The following ARAP2 variants were observed in gnomAD, a reference collection of about 807,000 sequenced individuals.
ARAP2 encodes the protein arf-GAP with Rho-GAP domain, ANK repeat and PH domain-containing protein 2.
ARAP2 carries 148 observed loss-of-function variants against 194.5 expected under a neutral mutation model. The observed-to-expected ratio is 0.76, with a 90% CI of 0.67 to 0.87. The LOEUF is 0.87. Ranked by LOEUF, ARAP2 falls within the 40% of genes least tolerant of loss-of-function variation. ARAP2 has a pLI of 0.00. For synonymous variants in ARAP2, 695 were observed against 683.5 expected (o/e 1.02, Z -0.26); for missense variants, 2,128 against 1,989.7 (o/e 1.07, Z -1.32).
chr4:36,243,361 G>A (rs1753925575), intron 1 of ARAP2, among the ~76,000 whole-genome samples: 1 of 116,910 alleles, frequency 8.6e-6, no homozygotes, highest in Admixed American at 1.1e-4. Flanking sequence ...CTACTGAACA[G>A]CCTACTTCAA....
intron 8 of ARAP2, among the ~76,000 whole-genome samples, chr4:36,014,303 AAGG>A: frequency 1.6e-5 from 2 of 122,600 alleles, no homozygotes; most frequent in African/African-American, 6.3e-5. Flanking sequence ...GAAAGAAGAG[AAGG>A]AAGGAAAGAA....
intron 20 of ARAP2, among the ~76,000 whole-genome samples, chr4:36,131,461 TGTAA>T (rs1273460001): frequency 5.9e-5 from 9 of 151,434 alleles, no homozygotes; most frequent in East Asian, 2.0e-4. Flanking sequence ...TGTGTACATA[TGTAA>T]GTGTGTGTGT....
At chr4:36,221,444 A>G (rs1348424070) in intron 2 of ARAP2, among the ~76,000 whole-genome samples, 1 of 152,176 alleles carries the variant, frequency 6.6e-6, no homozygotes, top group Non-Finnish European at 1.5e-5. Flanking sequence ...CACACAACTC[A>G]TAAGTAACTG....
chr4:36,175,557 T>G (rs2109842231), intron 9 of ARAP2, among the ~76,000 whole-genome samples: 1 of 152,028 alleles, frequency 6.6e-6, no homozygotes, highest in East Asian at 1.9e-4. Flanking sequence ...AAAGACCAAG[T>G]CCCTTAAGAC....
At chr4:36,145,851 C>A (rs1306201365) in intron 19 of ARAP2, among the ~76,000 whole-genome samples, 1 of 151,844 alleles carries the variant, frequency 6.6e-6, no homozygotes, top group Non-Finnish European at 1.5e-5. Flanking sequence ...ATGAGGTGAA[C>A]CCGTCCAGTT....
chr4:36,073,935 C>T (rs1727643454), intron 31 of ARAP2, 112 bp from the exon 32 acceptor site: 3 of 1,308,288 alleles, frequency 2.3e-6, no homozygotes, highest in Non-Finnish European at 3.2e-6. Flanking sequence ...ATCTGATTTC[C>T]ATGAGAATTC....
At chr4:36,014,792 T>C (rs1253832142) in intron 8 of ARAP2, among the ~76,000 whole-genome samples, 3 of 152,160 alleles carry the variant, frequency 2.0e-5, no homozygotes, top group South Asian at 4.1e-4. Flanking sequence ...TAAGTTTACA[T>C]CAGGTCATGT....
Position 36,105,276 on chromosome 4 carries a change from C to A in ARAP2, c.4285+2289G>T, listed in dbSNP as rs189047540. On this transcript the variant is annotated intron_variant, in intron 27 of 32. Transcript: ENST00000303965. Reference sequence around the variant, plus strand: ...CAGAGGTTGCAGTAAGCTGAGATCACGCCACCGGTGGCACTCTAGCCTAGG... The same window carrying A: ...CAGAGGTTGCAGTAAGCTGAGATCAAGCCACCGGTGGCACTCTAGCCTAGG... Among the ~76,000 whole-genome samples the A allele has an allele frequency of 4.0e-3, 613 of 152,084 alleles. 1 individual carries two copies. Among genetic ancestry groups the A allele is most frequent in the Middle Eastern group, 6.8e-3 (2 of 294 alleles).
intron 6 of ARAP2, among the ~76,000 whole-genome samples, chr4:36,205,123 G>C (rs2109246043): frequency 6.7e-6 from 1 of 150,030 alleles, no homozygotes; most frequent in East Asian, 2.0e-4. Flanking sequence ...TCAAAAATGA[G>C]TAGCCTTTAT....
chr4:36,027,706 AC>A (rs1439711193), intron 5 of ARAP2, among the ~76,000 whole-genome samples: 1 of 152,142 alleles, frequency 6.6e-6, no homozygotes, highest in African/African-American at 2.4e-5. Context: ...ATAGTGTGGC[AC>A]AACATCATGA....
intron 27 of ARAP2, among the ~76,000 whole-genome samples, chr4:36,096,374 A>AAAAGAAAAAAG (rs1553899086): frequency 1.4e-5 from 2 of 142,084 alleles, no homozygotes; most frequent in African/African-American, 5.9e-5. Context: ...AAAAAAAAAA[A>AAAAGAAAAAAG]AAAAAAGAAA....
chr4:36,010,065 G>A (rs1412874984), intron 9 of ARAP2, among the ~76,000 whole-genome samples: 1 of 151,696 alleles, frequency 6.6e-6, no homozygotes, highest in Non-Finnish European at 1.5e-5. Context: ...TTGATTCAAA[G>A]GCAAACAGTA....
chr4:36,197,673 G>A (rs1743418515), intron 6 of ARAP2, among the ~76,000 whole-genome samples: 1 of 152,188 alleles, frequency 6.6e-6, no homozygotes, highest in Non-Finnish European at 1.5e-5. Context: ...AGCAGTGAGG[G>A]GTGTGTGAGC....
chr4:36,122,285 A>G (rs1001289680), intron 22 of ARAP2, among the ~76,000 whole-genome samples: 10 of 151,916 alleles, frequency 6.6e-5, no homozygotes, highest in Admixed American at 5.9e-4. Context: ...CCAAAGGAAT[A>G]TAAATCATTA....
intron 5 of ARAP2, among the ~76,000 whole-genome samples, chr4:36,211,486 C>A (rs1227161398): frequency 6.6e-6 from 1 of 152,126 alleles, no homozygotes; most frequent in Non-Finnish European, 1.5e-5. Flanking sequence ...TATGCCTGGG[C>A]TCAAATTACA....
intron 19 of ARAP2, among the ~76,000 whole-genome samples, chr4:36,139,120 T>C (rs1042043666): frequency 2.0e-5 from 3 of 151,830 alleles, no homozygotes; most frequent in Admixed American, 6.6e-5. Context: ...ATTAACCATG[T>C]TGCTTAAAGA....
chr4:36,045,888 T>G (rs767988493), intron 5 of ARAP2: 25 of 151,906 alleles, frequency 1.6e-4, no homozygotes, highest in Non-Finnish European at 3.2e-4. Context: ...AATGGAAAAT[T>G]TATAAAGTAA....
At chr4:36,030,285 G>A (rs1718695363) in intron 5 of ARAP2, among the ~76,000 whole-genome samples, 1 of 151,914 alleles carries the variant, frequency 6.6e-6, no homozygotes, top group African/African-American at 2.4e-5. Context: ...TGAGTTCAAA[G>A]TTATTTTTCT....
chr4:36,024,052 C>A (rs1717478112), intron 5 of ARAP2, among the ~76,000 whole-genome samples: 1 of 152,024 alleles, frequency 6.6e-6, no homozygotes, highest in African/African-American at 2.4e-5. Context: ...GTTGGGTGAA[C>A]CTTAAAACTT....
Sources: gnomAD v4.1 joint callset for allele counts (sites outside exome capture counted in the v4.1 genomes callset) on GRCh38, gnomAD v4.1.1 for gene constraint, MANE v1.5 for transcripts, NCBI Gene and HGNC (gene_info 2026-07-23, HGNC 2026-07-21) for gene names.